The following CAPRIN1 variants were observed in gnomAD, a reference collection of about 807,000 sequenced individuals.
CAPRIN1 encodes the protein cell cycle associated protein 1, also known as caprin-1.
A neutral mutation model predicts 100.9 loss-of-function variants in CAPRIN1; 29 were observed. The observed-to-expected ratio is 0.29, with a 90% CI of 0.21 to 0.39. The LOEUF is 0.39. Among genes scored for constraint, CAPRIN1 ranks in the 10% least tolerant of loss-of-function variants. The probability of loss-of-function intolerance (pLI) is 1.00; values close to 1 mark genes in which losing one functional copy is unlikely to be tolerated. For missense variants in CAPRIN1, 795 were observed against 876.7 expected (o/e 0.91, Z 1.18); for synonymous variants, 338 against 307.5 (o/e 1.10, Z -1.04).
intron 4 of CAPRIN1, among the ~76,000 whole-genome samples, chr11:34,074,753 C>T (rs1850873812): frequency 6.6e-6 from 1 of 152,202 alleles, no homozygotes. Context: ...CTTGGCAGCA[C>T]ACACCTGTAA....
chr11:34,073,687 A>G lies in CAPRIN1; in HGVS notation c.366+1700A>G, dbSNP rs1850848037. 3.9e-5 allele frequency among the ~76,000 whole-genome samples: 6 copies of G among 152,230 alleles called. No individual in the cohort carries two copies. In the South Asian group the frequency reaches 1.2e-3, roughly 32 times the overall value. Reference sequence around the variant, plus strand: ...ATGATCGGCCTGCCTCAGCCTCCCAAAGTGTTGGGATTACAGTGTGAGCCA... The same window carrying G: ...ATGATCGGCCTGCCTCAGCCTCCCAGAGTGTTGGGATTACAGTGTGAGCCA... On this transcript the variant is annotated intron_variant, in intron 4 of 18. Transcript: ENST00000341394.
At chr11:34,056,168 C>T (rs561950854) in intron 2 of CAPRIN1, among the ~76,000 whole-genome samples, 2 of 152,144 alleles carry the variant, frequency 1.3e-5, no homozygotes, top group African/African-American at 2.4e-5. Flanking sequence ...GTCCATTTAG[C>T]AACTTACATT....
At position 34,052,883 on chromosome 11, in the gene CAPRIN1, C is replaced by T. The variant is rs184419318; in HGVS notation, c.216+247C>T. The T allele has an allele frequency of 1.1e-4, 152 of 1,377,216 alleles. No individual in the cohort carries two copies. The African/African-American group carries it at 1.6e-3, about 15-fold the overall frequency. The allele number at this position is 1,377,216 out of a possible 1,614,324, so 85.3% of individuals were successfully genotyped here. On this transcript the variant is annotated intron_variant, in intron 2 of 18. Coordinates refer to ENST00000341394, the MANE Select transcript of CAPRIN1 (RefSeq NM_005898.5). ...CACTGTACCCCAGGCCTCTTTATTA[C>T]TCTTCCGCTGTGGGTCCGGCTTTTT...
rs748395269 is a variant in CAPRIN1, at chr11:34,090,734, TTTC to T, written c.1554+59_1554+61del. ...GTATGTAATATGAATCATGGTAGATTTTCTTTTCTTTTTTAAAGGTCTTCATTT... is the reference window on the plus strand; with the variant it reads ...GTATGTAATATGAATCATGGTAGATTTTTTCTTTTTTAAAGGTCTTCATTT... On this transcript the variant is annotated intron_variant, in intron 14 of 18. Transcript: ENST00000341394. 2.8e-4 allele frequency: 432 copies of T among 1,521,830 alleles called. 1 individual carries two copies. Among genetic ancestry groups the T allele is most frequent in the Middle Eastern group, 1.0e-3 (6 of 5,774 alleles). The allele number at this position is 1,521,830 out of a possible 1,614,324, so 94.3% of individuals were successfully genotyped here. A position where few individuals can be genotyped will look rare whatever the true frequency, so the allele number is the denominator to read the frequency against.
At chr11:34,062,230 A>G (rs1850595504) in intron 2 of CAPRIN1, among the ~76,000 whole-genome samples, 1 of 152,238 alleles carries the variant, frequency 6.6e-6, no homozygotes, top group Non-Finnish European at 1.5e-5. Context: ...AATAGGAGAC[A>G]GTCAGCTGCC....
At chr11:34,084,103 T>G (rs1289180439) in intron 9 of CAPRIN1, among the ~76,000 whole-genome samples, 1 of 143,362 alleles carries the variant, frequency 7.0e-6, no homozygotes, top group Non-Finnish European at 1.5e-5. Context: ...GATTGCAAAG[T>G]TTTTTTTTTT....
intron 2 of CAPRIN1, among the ~76,000 whole-genome samples, chr11:34,069,971 G>A (rs968574455): frequency 2.6e-5 from 4 of 151,026 alleles, no homozygotes; most frequent in Admixed American, 6.6e-5. Flanking sequence ...GGCTTCTGTG[G>A]TTTCTGAATG....
chr11:34,065,214 A>T (rs927956881), intron 2 of CAPRIN1, among the ~76,000 whole-genome samples: 1 of 152,016 alleles, frequency 6.6e-6, no homozygotes, highest in Non-Finnish European at 1.5e-5. Flanking sequence ...TGCCCGCCTC[A>T]GCCTCCCAAA....
At chr11:34,092,618 C>G (rs945105100) in intron 15 of CAPRIN1, among the ~76,000 whole-genome samples, 2 of 152,116 alleles carry the variant, frequency 1.3e-5, no homozygotes, top group Admixed American at 1.3e-4. Flanking sequence ...CCTCAGCCTC[C>G]CAAAGTGCTG....
At chr11:34,061,712 G>A (rs1381286710) in intron 2 of CAPRIN1, among the ~76,000 whole-genome samples, 1 of 151,852 alleles carries the variant, frequency 6.6e-6, no homozygotes, top group Non-Finnish European at 1.5e-5. Context: ...GCTCATGCCT[G>A]TAATCCTAAC....
chr11:34,062,961 C>CTTA (rs1850612380), intron 2 of CAPRIN1: 1 of 151,960 alleles, frequency 6.6e-6, no homozygotes, highest in Non-Finnish European at 1.5e-5. Context: ...TGGAGTTTAT[C>CTTA]ATCTCTCTTT....
Position 34,064,954 on chromosome 11 carries a change from G to GTT in CAPRIN1, c.217-6750_217-6749dup, listed in dbSNP as rs10551006. On this transcript the variant is annotated intron_variant, in intron 2 of 18. Coordinates refer to ENST00000341394, the MANE Select transcript of CAPRIN1 (RefSeq NM_005898.5). ...TCCAAATTAAAGCTGCTGTATAATG[G>GTT]TTTTTTTTTTTTTTTTTTTTTTTGA... Among the ~76,000 whole-genome samples, 64 of 63,092 alleles carry GTT rather than the reference G, an allele frequency of 1.0e-3. 1 individual carries two copies. The highest frequency in any genetic ancestry group is 2.3e-3 in the East Asian group (5 of 2,150). The allele number at this position is 63,092 out of a possible 152,430, so 41.4% of individuals were successfully genotyped here.
At chr11:34,078,656 C>T (rs1415984644) in intron 6 of CAPRIN1, among the ~76,000 whole-genome samples, 2 of 152,166 alleles carry the variant, frequency 1.3e-5, no homozygotes, top group Non-Finnish European at 2.9e-5. Flanking sequence ...CTGGCCTTTA[C>T]CAGTTTCTCC....
In CAPRIN1 at chr11:34,096,615, C is replaced by G; in HGVS notation, c.1842C>G (p.Gly614=). The G allele has an allele frequency of 6.2e-7, 1 of 1,613,420 alleles. No homozygotes were observed. The highest frequency in any genetic ancestry group is 8.5e-7 in the Non-Finnish European group (1 of 1,179,532). ...YYNSRGVSRG[G]SRGARGLMNG... ...ATAGTCGTGGTGTGTCTCGTGGAGG[C>G]TCCCGTGGTGCTAGAGGCTTGATGA... The change falls in exon 16 of 19, where the codon GGC becomes GGG. Residue 614 remains glycine, a synonymous_variant. Transcript: ENST00000341394.
At chr11:34,079,982 G>A (rs1053538930) in intron 7 of CAPRIN1, among the ~76,000 whole-genome samples, 3 of 141,550 alleles carry the variant, frequency 2.1e-5, no homozygotes, top group African/African-American at 8.0e-5. Context: ...GGAGTGCAGT[G>A]GCGTGATCTC....
At chr11:34,053,094 C>G in intron 2 of CAPRIN1, 1 of 1,014,932 alleles carries the variant, frequency 9.9e-7, no homozygotes, top group Non-Finnish European at 1.2e-6. Context: ...GTCCTGCAGC[C>G]TTGGGGTCTG....
intron 9 of CAPRIN1, among the ~76,000 whole-genome samples, chr11:34,083,606 G>T (rs544975109): frequency 1.3e-4 from 20 of 152,320 alleles, no homozygotes; most frequent in South Asian, 8.3e-4. Context: ...GAGGCTCTCA[G>T]TGATGCCTTG....
Position 34,099,380 on chromosome 11 carries a change from G to A in CAPRIN1, c.*13G>A. On this transcript the variant is annotated 3_prime_UTR_variant, in exon 19 of 19. Coordinates refer to ENST00000341394, the MANE Select transcript of CAPRIN1 (RefSeq NM_005898.5). The stretch of plus-strand genomic sequence containing the variant: ...GCAAGTGAATTAATCTGATTCACAG[G>A]ATTATGTTTAATCGCCAAAAACACA... 2 of 1,609,820 alleles carry A rather than the reference G, an allele frequency of 1.2e-6. No homozygotes were observed. Among genetic ancestry groups the A allele is most frequent in the Non-Finnish European group, 1.7e-6 (2 of 1,176,192 alleles).
Position 34,079,670 on chromosome 11 carries a change from A to C in CAPRIN1, c.731A>C (p.Asn244Thr), listed in dbSNP as rs1210062098. The C allele has an allele frequency of 2.5e-6, 4 of 1,614,054 alleles. No homozygotes were observed. Among genetic ancestry groups the C allele is most frequent in the Admixed American group, 1.7e-5 (1 of 59,998 alleles). ...KEIVERVFQS[N>T]YFDSTHNHQN... ...ATTGTTGAGCGTGTTTTTCAGTCAA[A>C]CTACTTTGACAGCACCCACAACCAC... is the stretch of plus-strand genomic sequence containing the variant. Residue 244 changes from asparagine to threonine, a missense_variant, in exon 7 of 19, where the codon AAC becomes ACC. Coordinates refer to ENST00000341394, the MANE Select transcript of CAPRIN1 (RefSeq NM_005898.5).
Sources: allele counts gnomAD v4.1 joint callset (sites outside exome capture counted in the v4.1 genomes callset), GRCh38; gene constraint gnomAD v4.1.1; transcripts MANE v1.5; gene names NCBI Gene and HGNC (gene_info 2026-07-23, HGNC 2026-07-21).